Variants in TLK1 observed in about 807,000 individuals in gnomAD.
TLK1 encodes tousled like kinase 1, also known as serine/threonine-protein kinase tousled-like 1.
TLK1 carries 24 observed loss-of-function variants against 105.3 expected under a neutral mutation model. That is an observed-to-expected ratio of 0.23 (90% CI 0.17 to 0.32). The LOEUF (loss-of-function observed/expected upper bound fraction) is 0.32. Among genes scored for constraint, TLK1 ranks in the 10% least tolerant of loss-of-function variants. The pLI is 1.00. For synonymous variants in TLK1, 321 were observed against 310.4 expected, an observed-to-expected ratio of 1.03 and a Z score of -0.36; for missense variants, 558 against 910.5, an observed-to-expected ratio of 0.61 and a Z score of 4.98.
At chr2:170,995,986 G>C (rs1345679297) in intron 20 of TLK1, among the ~76,000 whole-genome samples, 1 of 151,742 alleles carries the variant, frequency 6.6e-6, no homozygotes, top group African/African-American at 2.4e-5. Context: ...ACAGGTGTGA[G>C]CCACCGCGCA....
At chr2:171,177,854 C>T (rs1692858550) in intron 1 of TLK1, among the ~76,000 whole-genome samples, 1 of 152,092 alleles carries the variant, frequency 6.6e-6, no homozygotes, top group East Asian at 1.9e-4. Flanking sequence ...AGTGAAATGG[C>T]GTGATCTTGG....
intron 3 of TLK1, among the ~76,000 whole-genome samples, chr2:171,078,225 A>G (rs1363571188): frequency 6.6e-6 from 1 of 151,938 alleles, no homozygotes; most frequent in Non-Finnish European, 1.5e-5. Context: ...ATCAAACCCT[A>G]CTGATTCTAC....
intron 1 of TLK1, among the ~76,000 whole-genome samples, chr2:171,122,016 G>C (rs555820847): frequency 1.6e-4 from 24 of 152,232 alleles, no homozygotes; most frequent in Non-Finnish European, 2.2e-4. Context: ...GTGCAATCTT[G>C]GCTCACTGCA....
intron 1 of TLK1, among the ~76,000 whole-genome samples, chr2:171,220,156 A>G (rs74797408): frequency 9.8e-4 from 149 of 152,142 alleles, no homozygotes; most frequent in Middle Eastern, 3.4e-3. Context: ...ATCTGCAAAG[A>G]CCCTTTTTCC....
intron 2 of TLK1, among the ~76,000 whole-genome samples, chr2:171,093,803 G>A (rs927761498): frequency 3.0e-4 from 46 of 152,148 alleles, no homozygotes; most frequent in Non-Finnish European, 6.2e-4. Flanking sequence ...GCTACATAAA[G>A]GTAGATCTGA....
intron 1 of TLK1, among the ~76,000 whole-genome samples, chr2:171,122,503 T>C (rs982681463): frequency 5.3e-5 from 8 of 152,164 alleles, no homozygotes; most frequent in Admixed American, 4.6e-4. Context: ...GTAATTACTA[T>C]ATACATTCAT....
intron 1 of TLK1, among the ~76,000 whole-genome samples, chr2:171,138,840 C>T (rs1336570845): frequency 2.0e-5 from 3 of 152,116 alleles, no homozygotes; most frequent in East Asian, 1.9e-4. Context: ...ATGTATGTTG[C>T]TAGTGGCACT....
At chr2:171,089,920 G>T (rs998310664) in intron 2 of TLK1, among the ~76,000 whole-genome samples, 1 of 152,122 alleles carries the variant, frequency 6.6e-6, no homozygotes, top group Non-Finnish European at 1.5e-5. Context: ...CTTTAAGGCT[G>T]CCTAGACCAT....
intron 3 of TLK1, among the ~76,000 whole-genome samples, chr2:171,075,535 A>G (rs942033374): frequency 6.6e-6 from 1 of 152,208 alleles, no homozygotes; most frequent in Non-Finnish European, 1.5e-5. Context: ...AAAACAGAAT[A>G]ATTTGATATA....
chr2:171,007,259 A>G (rs1371819221), intron 14 of TLK1, among the ~76,000 whole-genome samples, 196 bp from the exon 15 acceptor site: 2 of 152,112 alleles, frequency 1.3e-5, no homozygotes, highest in Non-Finnish European at 2.9e-5. Context: ...CCATGGTAAT[A>G]AATCAGAGAA....
At chr2:171,166,994 A>C (rs565993785) in intron 1 of TLK1, among the ~76,000 whole-genome samples, 1 of 152,358 alleles carries the variant, frequency 6.6e-6, no homozygotes, top group East Asian at 1.9e-4. Context: ...TTCAAAACTA[A>C]ATCATATATT....
chr2:171,147,205 G>C (rs1366805219), intron 1 of TLK1, among the ~76,000 whole-genome samples: 1 of 152,094 alleles, frequency 6.6e-6, no homozygotes, highest in Non-Finnish European at 1.5e-5. Context: ...CTCATTACTA[G>C]GCTTCAGGTC....
chr2:171,060,979 C>G, intron 4 of TLK1, 102 bp downstream of exon 4: 1 of 1,194,356 alleles, frequency 8.4e-7, no homozygotes, highest in South Asian at 1.5e-5. Context: ...CCAAAATTTA[C>G]AACTTCATAT....
rs1284426413 is a variant in TLK1 at position 171,006,610 on chromosome 2, A to G, written c.1632T>C (p.Asn544=). 1 of 1,612,732 alleles carries G rather than the reference A, an allele frequency of 6.2e-7. No individual in the cohort carries two copies. The highest frequency in any genetic ancestry group is 8.5e-7 in the Non-Finnish European group (1 of 1,179,730). ...FCTVLEYCEG[N]DLDFYLKQHK... The stretch of plus-strand genomic sequence containing the variant: ...GTTGCTTCAGATAGAAATCCAAGTC[A>G]TTGCCTTCACAGTATTCTAACACTG... The change falls in exon 17 of 21, where the codon AAT becomes AAC. Residue 544 remains asparagine, a synonymous_variant. Transcript: ENST00000431350.
At chr2:171,001,582 T>A (rs1684374124) in intron 18 of TLK1, among the ~76,000 whole-genome samples, 1 of 152,296 alleles carries the variant, frequency 6.6e-6, no homozygotes, top group South Asian at 2.1e-4. Flanking sequence ...GTCCTGATCA[T>A]AAACCCAATT....
At chr2:171,070,042 A>C (rs1688180885) in intron 3 of TLK1, among the ~76,000 whole-genome samples, 1 of 152,194 alleles carries the variant, frequency 6.6e-6, no homozygotes, top group Admixed American at 6.5e-5. Context: ...GGTAGACAAC[A>C]GCTATTTACT....
At chr2:171,230,183 GA>G (rs1410414535) in intron 1 of TLK1, among the ~76,000 whole-genome samples, 1 of 152,058 alleles carries the variant, frequency 6.6e-6, no homozygotes, top group African/African-American at 2.4e-5. Context: ...AAATAACAAA[GA>G]AATAATAAAA....
intron 1 of TLK1, among the ~76,000 whole-genome samples, chr2:171,134,291 G>A (rs979283471): frequency 1.3e-5 from 2 of 151,926 alleles, no homozygotes; most frequent in African/African-American, 2.4e-5. Flanking sequence ...TATTAGACTG[G>A]CATTTAGCAA....
At chr2:171,038,368 C>T (rs994366173) in intron 11 of TLK1, among the ~76,000 whole-genome samples, 3 of 152,018 alleles carry the variant, frequency 2.0e-5, no homozygotes, top group African/African-American at 7.2e-5. Flanking sequence ...AATTCTCTTG[C>T]TCATTTTCTT....
Sources: gnomAD v4.1 joint callset for allele counts (sites outside exome capture counted in the v4.1 genomes callset) on GRCh38, gnomAD v4.1.1 for gene constraint, MANE v1.5 for transcripts, NCBI Gene and HGNC (gene_info 2026-07-23, HGNC 2026-07-21) for gene names.